The following POLG2 variants were observed in gnomAD, a reference collection of about 807,000 sequenced individuals.
POLG2 encodes DNA polymerase gamma 2, accessory subunit.
In POLG2, 50 loss-of-function variants were observed where a neutral mutation model predicts 56.5. That is an observed-to-expected ratio of 0.88 (90% CI 0.71 to 1.12). POLG2 has a LOEUF of 1.12. Among genes scored for constraint, POLG2 ranks in the 50% most tolerant of loss-of-function variants. The probability of loss-of-function intolerance (pLI) is 0.00; values close to 1 mark genes in which losing one functional copy is unlikely to be tolerated. For missense variants in POLG2, 584 were observed against 583.3 expected (o/e 1.00, Z -0.01); for synonymous variants, 226 against 222.6 (o/e 1.02, Z -0.14).
At chr17:64,479,504 A>T (rs934033142) in intron 7 of POLG2, among the ~76,000 whole-genome samples, 4 of 152,102 alleles carry the variant, frequency 2.6e-5, no homozygotes, top group Non-Finnish European at 5.9e-5. Context: ...TATTTTAACA[A>T]ATGTTCAGAG....
Position 64,477,791 on chromosome 17 carries a change from GAGA to G in POLG2, c.*29_*31del, listed in dbSNP as rs782010815. The G allele has an allele frequency of 1.4e-5, 21 of 1,530,724 alleles. No individual in the cohort carries two copies. Among genetic ancestry groups the G allele is most frequent in the South Asian group, 3.8e-5 (3 of 78,884 alleles). The allele number at this position is 1,530,724 out of a possible 1,614,324, so 94.8% of individuals were successfully genotyped here. ...TGAACATAAGACAACCAAATTAGGAGAGAAGAATATTTATTATACAAATATAAA... is the reference window on the plus strand; with the variant it reads ...TGAACATAAGACAACCAAATTAGGAGAGAATATTTATTATACAAATATAAA... On this transcript the variant is annotated 3_prime_UTR_variant, in exon 8 of 8. Coordinates refer to ENST00000539111, the MANE Select transcript of POLG2 (RefSeq NM_007215.4).
At chr17:64,483,797 C>T (rs1045258504) in intron 5 of POLG2, among the ~76,000 whole-genome samples, 9 of 151,886 alleles carry the variant, frequency 5.9e-5, no homozygotes, top group African/African-American at 1.9e-4. Context: ...CTGCAACCCC[C>T]ACCTCTGGGC....
In POLG2 at chr17:64,490,900, G is replaced by A; in HGVS notation, c.865C>T (p.Leu289Phe). The stretch of plus-strand genomic sequence containing the variant: ...TTTCCCCAGGGAAAATTGTAGTAAA[G>A]TTTGTTTCCTTTCCGGCCTTCTTCA... Reference protein sequence around the residue: ...QDEEGRKGNKLYYNFPWGKEL... With the variant: ...QDEEGRKGNKFYYNFPWGKEL... Residue 289 changes from leucine to phenylalanine, a missense_variant, in exon 4 of 8, where the codon CTT (leucine) becomes TTT (phenylalanine). Transcript: ENST00000539111. The A allele has an allele frequency of 6.2e-7, 1 of 1,613,892 alleles. No individual in the cohort carries two copies. Among genetic ancestry groups the A allele is most frequent in the Non-Finnish European group, 8.5e-7 (1 of 1,179,754 alleles).
At chr17:64,484,261 A>G (rs1233170710) in intron 5 of POLG2, 3 of 152,380 alleles carry the variant, frequency 2.0e-5, no homozygotes, top group South Asian at 2.1e-4. Context: ...TTCTCTCCCT[A>G]TGGTGACACT....
At position 64,480,283 on chromosome 17, in the gene POLG2, TCTTA is replaced by T; in HGVS notation, c.1292+2_1292+5del. 7.2e-7 allele frequency: 1 copy of T among 1,383,060 alleles called. No homozygotes were observed. Among genetic ancestry groups the T allele is most frequent in the Non-Finnish European group, 1.0e-6 (1 of 978,186 alleles). 85.7% of individuals were successfully genotyped at this position (1,383,060 alleles called of 1,614,324 possible). On this transcript the variant is annotated splice_donor_variant and splice_donor_5th_base_variant and intron_variant, in intron 7 of 7. Coordinates refer to ENST00000539111, the MANE Select transcript of POLG2 (RefSeq NM_007215.4). LOFTEE classifies it high-confidence loss of function. Reference sequence around the variant, plus strand: ...ATACACTCTTTAATGAAAATACAATTCTTACTTCGAATAAAGTTGTTCCAATGAG... The same window carrying T: ...ATACACTCTTTAATGAAAATACAATTCTTCGAATAAAGTTGTTCCAATGAG...
chr17:64,483,783 C>T (rs1217409027), intron 5 of POLG2, among the ~76,000 whole-genome samples: 2 of 151,564 alleles, frequency 1.3e-5, no homozygotes, highest in East Asian at 3.9e-4. Flanking sequence ...CACTCACTGC[C>T]TCACTGCAAC....
At chr17:64,495,358 T>C (rs782790586) in intron 1 of POLG2, among the ~76,000 whole-genome samples, 4 of 152,042 alleles carry the variant, frequency 2.6e-5, no homozygotes, top group Admixed American at 1.3e-4. Flanking sequence ...GATGGGCGGA[T>C]TGCTTAAGCT....
At chr17:64,478,248 A>G (rs893406831) in intron 7 of POLG2, among the ~76,000 whole-genome samples, 1 of 152,186 alleles carries the variant, frequency 6.6e-6, no homozygotes, top group Non-Finnish European at 1.5e-5. Flanking sequence ...GTACCTCAAC[A>G]CATCATTTGG....
chr17:64,491,147 G>C (rs1232116526), intron 3 of POLG2, among the ~76,000 whole-genome samples, 178 bp from the exon 4 acceptor site: 5 of 151,806 alleles, frequency 3.3e-5, no homozygotes, highest in Admixed American at 2.6e-4. Flanking sequence ...TTTTTGAGAT[G>C]TGTCTCATTC....
chr17:64,496,492 G>A lies in POLG2; in HGVS notation c.477C>T (p.Asp159=), dbSNP rs75966563. ...CTAGCTGTTCCTTACTCAGCTCTTTGTCTTGCAAGATTTCGCGTAGAGTTT... is the reference window on the plus strand; with the variant it reads ...CTAGCTGTTCCTTACTCAGCTCTTTATCTTGCAAGATTTCGCGTAGAGTTT... The part of the protein sequence containing the change: ...SAETLREILQ[D]KELSKEQLVA... The change falls in exon 1 of 8, where the codon GAC becomes GAT. Residue 159 remains aspartate (D), a synonymous_variant. Coordinates refer to ENST00000539111, the MANE Select transcript of POLG2 (RefSeq NM_007215.4). 1 of 1,612,800 alleles carries A rather than the reference G, an allele frequency of 6.2e-7. No individual in the cohort carries two copies. Among genetic ancestry groups the A allele is most frequent in the East Asian group, 2.2e-5 (1 of 44,834 alleles).
intron 4 of POLG2, among the ~76,000 whole-genome samples, chr17:64,486,194 C>T (rs1057472531): frequency 3.3e-5 from 5 of 152,260 alleles, no homozygotes; most frequent in African/African-American, 4.8e-5. Context: ...GTTTCATCAG[C>T]GAGGCCCAAA....
chr17:64,493,101 A>G (rs1190121322), intron 1 of POLG2, 80 bp from the exon 2 acceptor site: 15 of 1,406,362 alleles, frequency 1.1e-5, no homozygotes, highest in Non-Finnish European at 1.5e-5. Context: ...CATTAATAGT[A>G]GTAATAACGT....
intron 4 of POLG2, chr17:64,487,305 C>G (rs895483639): frequency 1.3e-5 from 2 of 152,130 alleles, no homozygotes; most frequent in Admixed American, 6.6e-5. Flanking sequence ...CAGTTATCGT[C>G]GAACTGATAG....
chr17:64,496,338 A>G, intron 1 of POLG2, 69 bp downstream of exon 1: 1 of 1,027,888 alleles, frequency 9.7e-7, no homozygotes, highest in East Asian at 2.4e-5. Flanking sequence ...TGCAATCCCC[A>G]AGATCCAGCA....
chr17:64,480,413 A>T (rs1555666283), intron 6 of POLG2, 24 bp from the exon 7 acceptor site: 1 of 1,154,342 alleles, frequency 8.7e-7, no homozygotes, highest in Admixed American at 1.7e-5. Context: ...GAAAAACTTC[A>T]AATATGAAAG....
rs1555668473 is a variant in POLG2, at chr17:64,491,580, C to T, written c.796-611G>A. On this transcript the variant is annotated intron_variant, in intron 3 of 7. Transcript: ENST00000539111. Reference sequence around the variant, plus strand: ...ACTTCTGGAGGTCAAACTAGGGGAGCTGCCAAGCTGGATCTTGATGTGGGA... The same window carrying T: ...ACTTCTGGAGGTCAAACTAGGGGAGTTGCCAAGCTGGATCTTGATGTGGGA... 9 of 1,550,878 alleles carry T rather than the reference C, an allele frequency of 5.8e-6. No individual in the cohort carries two copies. The African/African-American group carries it at 1.2e-4, about 21-fold the overall frequency.
Position 64,496,749 on chromosome 17 carries a change from G to T in POLG2, c.220C>A (p.Gln74Lys), listed in dbSNP as rs2038159630. ...EGSEALLEIC[Q>K]RRHFLSGSKQ... is the part of the protein sequence containing the mutation. Reference sequence around the variant, plus strand: ...CTTCCACTTAGGAAATGCCTTCTCTGACAGATCTCTAACAGCGCCTCGCTT... The same window carrying T: ...CTTCCACTTAGGAAATGCCTTCTCTTACAGATCTCTAACAGCGCCTCGCTT... The change falls in exon 1 of 8, where the codon CAG becomes AAG. Residue 74 changes from glutamine to lysine, a missense_variant. Physicochemically the swap from Gln to Lys is moderately conservative, Grantham distance 53. Coordinates refer to ENST00000539111, the MANE Select transcript of POLG2 (RefSeq NM_007215.4). The T allele has an allele frequency of 6.2e-7, 1 of 1,613,884 alleles. No individual in the cohort carries two copies.
chr17:64,491,428 C>T, intron 3 of POLG2: 1 of 769,602 alleles, frequency 1.3e-6, no homozygotes, highest in Non-Finnish European at 2.1e-6. Context: ...GACTTCATCT[C>T]TACAAATAAT....
intron 4 of POLG2, among the ~76,000 whole-genome samples, chr17:64,486,188 C>G (rs2037948933): frequency 6.6e-6 from 1 of 152,174 alleles, no homozygotes; most frequent in African/African-American, 2.4e-5. Flanking sequence ...CTCAGTGTTT[C>G]ATCAGCGAGG....
Sources: allele counts gnomAD v4.1 joint callset (sites outside exome capture counted in the v4.1 genomes callset), GRCh38; gene constraint gnomAD v4.1.1; transcripts MANE v1.5; gene names NCBI Gene and HGNC (gene_info 2026-07-23, HGNC 2026-07-21).